Variants in KLHL29 observed in about 807,000 individuals in gnomAD.
KLHL29 encodes kelch like family member 29.
A neutral mutation model predicts 80.4 loss-of-function variants in KLHL29; 21 were observed. The observed-to-expected ratio is 0.26, with a 90% CI of 0.19 to 0.38. KLHL29 has a LOEUF of 0.38. Ranked by LOEUF, KLHL29 falls within the 10% of genes least tolerant of loss-of-function variation. KLHL29 has a pLI of 1.00. For synonymous variants in KLHL29, 511 were observed against 526.8 expected, an observed-to-expected ratio of 0.97 and a Z score of 0.41; for missense variants, 867 against 1,223.9, an observed-to-expected ratio of 0.71 and a Z score of 4.35.
intron 2 of KLHL29, among the ~76,000 whole-genome samples, chr2:23,533,246 G>A (rs1666556517): frequency 6.6e-6 from 1 of 152,140 alleles, no homozygotes; most frequent in African/African-American, 2.4e-5. Context: ...AGTAAGCAGT[G>A]CCTTCTGATG....
intron 2 of KLHL29, among the ~76,000 whole-genome samples, chr2:23,478,912 C>A (rs1190396846): frequency 2.6e-5 from 4 of 152,070 alleles, no homozygotes; most frequent in South Asian, 4.2e-4. Flanking sequence ...TTCCACACCC[C>A]CCGCCTTTAC....
chr2:23,580,285 T>G (rs1667948508), intron 3 of KLHL29, among the ~76,000 whole-genome samples: 1 of 151,450 alleles, frequency 6.6e-6, no homozygotes, highest in Non-Finnish European at 1.5e-5. Context: ...GGCAGGAGAA[T>G]GGCGTGAACC....
At chr2:23,543,758 G>A (rs1214340982) in intron 2 of KLHL29, among the ~76,000 whole-genome samples, 1 of 152,252 alleles carries the variant, frequency 6.6e-6, no homozygotes, top group Non-Finnish European at 1.5e-5. Flanking sequence ...ATAAATGGCT[G>A]CCTGAGTAAT....
At chr2:23,617,344 A>G (rs1237107374) in intron 3 of KLHL29, 1 of 152,172 alleles carries the variant, frequency 6.6e-6, no homozygotes, top group African/African-American at 2.4e-5. Context: ...GCTCCTACTT[A>G]ACAATGCAAG....
At chr2:23,587,063 C>T (rs551084448) in intron 3 of KLHL29, among the ~76,000 whole-genome samples, 1 of 152,284 alleles carries the variant, frequency 6.6e-6, no homozygotes, top group Non-Finnish European at 1.5e-5. Flanking sequence ...GAAGCAAACC[C>T]AGAGTAGGAA....
At position 23,693,360 on chromosome 2, in the gene KLHL29, C is replaced by G. The variant is rs577898730; in HGVS notation, c.1374C>G (p.Phe458Leu). ...CSELYHMAKA[F>L]ALQIFPEVAA... ...AGCTCTACCACATGGCCAAGGCCTT[C>G]GCGCTGCAGATCTTCCCCGAGGTGG... The change falls in exon 8 of 14, where the codon TTC becomes TTG. Residue 458 changes from phenylalanine to leucine, a missense_variant. By Grantham distance (22) the Phe-to-Leu change is conservative. Coordinates refer to ENST00000486442, the MANE Select transcript of KLHL29 (RefSeq NM_052920.2). The G allele has an allele frequency of 1.3e-6, 2 of 1,551,692 alleles. No individual in the cohort carries two copies. The highest frequency in any genetic ancestry group is 2.4e-5 in the South Asian group (2 of 84,062).
intron 2 of KLHL29, among the ~76,000 whole-genome samples, chr2:23,541,213 T>C (rs1393418197): frequency 6.6e-6 from 1 of 152,162 alleles, no homozygotes; most frequent in Non-Finnish European, 1.5e-5. Context: ...TCAACAAATA[T>C]TTGGTGTGTT....
At chr2:23,397,546 A>G (rs909558804) in intron 1 of KLHL29, among the ~76,000 whole-genome samples, 2 of 152,160 alleles carry the variant, frequency 1.3e-5, no homozygotes, top group Non-Finnish European at 2.9e-5. Context: ...TGATAGCTCA[A>G]ATAGACACCT....
intron 2 of KLHL29, among the ~76,000 whole-genome samples, chr2:23,556,498 C>G (rs912234871): frequency 1.3e-5 from 2 of 151,474 alleles, no homozygotes; most frequent in African/African-American, 4.9e-5. Flanking sequence ...AAAAAAAATA[C>G]AAAAATTAGC....
intron 2 of KLHL29, among the ~76,000 whole-genome samples, chr2:23,504,358 C>T (rs1189722985): frequency 6.6e-6 from 1 of 152,284 alleles, no homozygotes; most frequent in Non-Finnish European, 1.5e-5. Context: ...TTTTCAGGGT[C>T]GGAGTGGGGG....
At chr2:23,510,935 G>A (rs1397748273) in intron 2 of KLHL29, among the ~76,000 whole-genome samples, 3 of 152,158 alleles carry the variant, frequency 2.0e-5, no homozygotes, top group South Asian at 2.1e-4. Context: ...GCCAATATGA[G>A]TTTGGACAAA....
rs1215834653 is a variant in KLHL29 at position 23,639,235 on chromosome 2, A to G, written c.382A>G (p.Thr128Ala). Residue 128 changes from threonine to alanine, a missense_variant, in exon 4 of 14, where the codon ACT becomes GCT. Physicochemically the swap from Thr to Ala is moderately conservative, Grantham distance 58. Coordinates refer to ENST00000486442, the MANE Select transcript of KLHL29 (RefSeq NM_052920.2). Reference protein sequence around the residue: ...TPINQSTPWDTDEPPSKQMRE... With the variant: ...TPINQSTPWDADEPPSKQMRE... ...TATCAATCAGTCCACACCCTGGGAC[A>G]CTGATGAGCCACCCTCCAAACAGAT... 1 of 1,549,076 alleles carries G rather than the reference A, an allele frequency of 6.5e-7. No homozygotes were observed. The highest frequency in any genetic ancestry group is 8.7e-7 in the Non-Finnish European group (1 of 1,145,862).
intron 6 of KLHL29, among the ~76,000 whole-genome samples, chr2:23,688,324 C>T (rs1457138436): frequency 2.0e-5 from 3 of 152,206 alleles, no homozygotes; most frequent in Non-Finnish European, 2.9e-5. Flanking sequence ...GTACCAGCCA[C>T]CTGCCCCATG....
chr2:23,586,567 G>C (rs932529527), intron 3 of KLHL29, among the ~76,000 whole-genome samples: 2 of 151,744 alleles, frequency 1.3e-5, no homozygotes, highest in African/African-American at 4.8e-5. Context: ...CACCATGTTG[G>C]CCAAGCTGGT....
At chr2:23,390,088 A>G (rs1406055288) in intron 1 of KLHL29, among the ~76,000 whole-genome samples, 1 of 152,234 alleles carries the variant, frequency 6.6e-6, no homozygotes, top group Non-Finnish European at 1.5e-5. Context: ...CTTCTCCCAC[A>G]GTAAATGCAG....
intron 5 of KLHL29, among the ~76,000 whole-genome samples, chr2:23,678,931 T>C (rs1469927089): frequency 6.6e-6 from 1 of 151,992 alleles, no homozygotes; most frequent in African/African-American, 2.4e-5. Context: ...AGTGGTTGTT[T>C]AATGGGTGTG....
intron 1 of KLHL29, among the ~76,000 whole-genome samples, chr2:23,399,425 T>G (rs1347992409): frequency 6.6e-6 from 1 of 152,226 alleles, no homozygotes; most frequent in African/African-American, 2.4e-5. Context: ...AAAAATAGAT[T>G]TCCAAACATA....
chr2:23,485,393 C>T (rs899896474), intron 2 of KLHL29, among the ~76,000 whole-genome samples: 6 of 152,190 alleles, frequency 3.9e-5, no homozygotes, highest in African/African-American at 9.6e-5. Context: ...TGAAAGGAGC[C>T]AGCCACACCC....
chr2:23,415,761 C>T (rs532422460), intron 1 of KLHL29, among the ~76,000 whole-genome samples: 7 of 152,118 alleles, frequency 4.6e-5, no homozygotes, highest in African/African-American at 9.6e-5. Flanking sequence ...TGCAGTGGCA[C>T]GATCACAGCT....
Sources: allele counts gnomAD v4.1 joint callset (sites outside exome capture counted in the v4.1 genomes callset), GRCh38; gene constraint gnomAD v4.1.1; transcripts MANE v1.5; gene names NCBI Gene and HGNC (gene_info 2026-07-23, HGNC 2026-07-21).